The following PPP1R1C variants were observed in gnomAD, a reference collection of about 807,000 sequenced individuals.
PPP1R1C encodes the protein protein phosphatase 1 regulatory subunit 1C.
Under a neutral mutation model 17.4 loss-of-function variants are expected in PPP1R1C, and 15 were observed. The ratio of observed to expected loss-of-function variants is 0.86; its 90% CI spans 0.58 to 1.33. PPP1R1C has a LOEUF of 1.33. Ranked by LOEUF, PPP1R1C falls within the 40% of genes most tolerant of loss-of-function variation. The pLI is 0.00. For synonymous variants in PPP1R1C, 35 were observed against 43.1 expected (o/e 0.81, Z 0.73); for missense variants, 143 against 130.0 (o/e 1.10, Z -0.48).
At chr2:182,007,078 T>C (rs1685945322) in intron 2 of PPP1R1C, among the ~76,000 whole-genome samples, 1 of 152,196 alleles carries the variant, frequency 6.6e-6, no homozygotes, top group Admixed American at 6.5e-5. Flanking sequence ...GATTTTAATC[T>C]CAAGTCTGCC....
chr2:182,024,108 G>C (rs1163144352), intron 2 of PPP1R1C, among the ~76,000 whole-genome samples: 1 of 152,172 alleles, frequency 6.6e-6, no homozygotes, highest in Non-Finnish European at 1.5e-5. Context: ...TCAAGGTACA[G>C]ATATTCTCAA....
chr2:182,106,644 G>T (rs1199653944), intron 4 of PPP1R1C, among the ~76,000 whole-genome samples: 3 of 152,064 alleles, frequency 2.0e-5, no homozygotes, highest in Non-Finnish European at 4.4e-5. Context: ...GGTACACTTG[G>T]GCAAGAATCC....
At chr2:182,064,074 T>C (rs10497592) in intron 4 of PPP1R1C, 7,622 of 370,558 alleles carry the variant, frequency 0.021, 516 homozygotes, top group African/African-American at 0.14. Flanking sequence ...ATTCGCATAC[T>C]TCCTTAAAGA....
At chr2:182,130,466 T>G (rs1326312181), downstream of PPP1R1C, 1 of 152,192 alleles carries the variant, frequency 6.6e-6, no homozygotes, top group Non-Finnish European at 1.5e-5. Flanking sequence ...AGTCCCATTA[T>G]TCTCAAAAGT....
upstream of PPP1R1C, among the ~76,000 whole-genome samples, chr2:181,983,856 A>G (rs1685239213): frequency 6.6e-6 from 1 of 152,186 alleles, no homozygotes; most frequent in South Asian, 2.1e-4. Context: ...CCTAGAAGCA[A>G]TGATACTTAA....
At chr2:182,093,737 A>C (rs1688852927) in intron 4 of PPP1R1C, among the ~76,000 whole-genome samples, 1 of 152,208 alleles carries the variant, frequency 6.6e-6, no homozygotes, top group South Asian at 2.1e-4. Flanking sequence ...GCTAAAACAT[A>C]ATAAGAGTCA....
At chr2:182,104,524 T>G (rs148329152) in intron 4 of PPP1R1C, among the ~76,000 whole-genome samples, 173 of 152,334 alleles carry the variant, frequency 1.1e-3, no homozygotes, top group Non-Finnish European at 1.9e-3. Flanking sequence ...TTGAACCATC[T>G]TTGCATCCCA....
chr2:181,974,362 C>T (rs1685061059), intron 1 of PPP1R1C, among the ~76,000 whole-genome samples: 1 of 152,094 alleles, frequency 6.6e-6, no homozygotes, highest in African/African-American at 2.4e-5. Flanking sequence ...TTTGAAGGTG[C>T]AAATGAATTG....
rs903077899 is a variant in PPP1R1C at position 181,996,065 on chromosome 2, G to A, written c.142+8166G>A. Among the ~76,000 whole-genome samples the A allele has an allele frequency of 3.3e-5, 5 of 152,280 alleles. No homozygotes were observed. In the South Asian group the frequency reaches 1.0e-3, roughly 32 times the overall value. On this transcript the variant is annotated intron_variant, in intron 2 of 4. Transcript: ENST00000682840. The stretch of plus-strand genomic sequence containing the variant: ...AACAGATAAAACTGCAAAGGACATT[G>A]AGAAAGCACTATAACAGGTTGGAAC...
chr2:182,129,512 T>C (rs1049320953), exon 6 of PPP1R1C: 1 of 152,264 alleles, frequency 6.6e-6, no homozygotes, highest in Admixed American at 6.5e-5. Context: ...CTTATAAAAA[T>C]AAAAAGGCTA....
intron 4 of PPP1R1C, among the ~76,000 whole-genome samples, chr2:182,078,073 C>T (rs1428888479): frequency 3.3e-5 from 5 of 152,128 alleles, no homozygotes; most frequent in East Asian, 3.9e-4. Context: ...CCAGCTACTC[C>T]GGAGTCTGAG....
At chr2:182,044,715 G>C (rs1286037187) in intron 2 of PPP1R1C, among the ~76,000 whole-genome samples, 1 of 152,130 alleles carries the variant, frequency 6.6e-6, no homozygotes, top group East Asian at 1.9e-4. Flanking sequence ...CTCCCCAGGA[G>C]GGTGGGAACT....
chr2:182,014,785 T>C (rs1367865234), intron 2 of PPP1R1C, among the ~76,000 whole-genome samples: 1 of 151,022 alleles, frequency 6.6e-6, no homozygotes, highest in African/African-American at 2.4e-5. Flanking sequence ...CTCTTCCATC[T>C]CATTTCCTCA....
At chr2:182,119,602 C>G (rs1401407405), downstream of PPP1R1C, among the ~76,000 whole-genome samples, 1 of 152,184 alleles carries the variant, frequency 6.6e-6, no homozygotes, top group Non-Finnish European at 1.5e-5. Context: ...ACCATTCCAA[C>G]TGGTGTGAGA....
At chr2:182,018,203 A>G (rs1686315280) in intron 2 of PPP1R1C, among the ~76,000 whole-genome samples, 1 of 152,334 alleles carries the variant, frequency 6.6e-6, no homozygotes, top group Non-Finnish European at 1.5e-5. Context: ...CATTGAGAGT[A>G]TAATTCCTAA....
chr2:181,986,965 T>C (rs2125139438), intron 1 of PPP1R1C, among the ~76,000 whole-genome samples: 1 of 152,346 alleles, frequency 6.6e-6, no homozygotes, highest in South Asian at 2.1e-4. Flanking sequence ...TTCCAAGTAT[T>C]TGATATAAAG....
rs531723165 is a variant in PPP1R1C, at chr2:181,955,575, T to G, written n.111+941T>G. Among the ~76,000 whole-genome samples the G allele has an allele frequency of 2.0e-4, 30 of 152,340 alleles. 1 individual carries two copies. In the South Asian group the frequency reaches 3.9e-3, roughly 20 times the overall value. ...ATTTTAGAGTGTTTTCTAGGCAATATGTGGTAATTCAAAGAGATCAAAGTA... is the reference window on the plus strand; with the variant it reads ...ATTTTAGAGTGTTTTCTAGGCAATAGGTGGTAATTCAAAGAGATCAAAGTA... On this transcript the variant is annotated intron_variant and non_coding_transcript_variant, in intron 1 of 5. Transcript: ENST00000464264.
intron 2 of PPP1R1C, among the ~76,000 whole-genome samples, chr2:182,022,909 C>T (rs902151505): frequency 1.3e-5 from 2 of 152,148 alleles, no homozygotes; most frequent in Non-Finnish European, 2.9e-5. Flanking sequence ...CATCCTTAGA[C>T]ATATGCTTAG....
intron 4 of PPP1R1C, among the ~76,000 whole-genome samples, chr2:182,104,013 TTAAG>T (rs1434975211): frequency 6.6e-6 from 1 of 152,232 alleles, no homozygotes; most frequent in Admixed American, 6.5e-5. Flanking sequence ...ATGGGATTAA[TTAAG>T]TGTGTTTGGT....
Sources: allele counts gnomAD v4.1 joint callset (sites outside exome capture counted in the v4.1 genomes callset), GRCh38; gene constraint gnomAD v4.1.1; transcripts MANE v1.5; gene names NCBI Gene and HGNC (gene_info 2026-07-23, HGNC 2026-07-21).